The following FSTL5 variants were observed in gnomAD, a reference collection of about 807,000 sequenced individuals.
FSTL5 encodes the protein follistatin-related protein 5.
FSTL5 carries 62 observed loss-of-function variants against 89.1 expected under a neutral mutation model. The observed-to-expected ratio is 0.70, with a 90% CI of 0.57 to 0.86. The LOEUF is 0.86. Ranked by LOEUF, FSTL5 falls within the 40% of genes least tolerant of loss-of-function variation. The pLI is 0.00. For missense variants in FSTL5, 1,057 were observed against 1,001.6 expected (o/e 1.06, Z -0.75); for synonymous variants, 383 against 346.2 (o/e 1.11, Z -1.18).
At position 161,653,294 on chromosome 4, in the gene FSTL5, A is replaced by G. The variant is rs142520051; in HGVS notation, c.894+3034T>C. Among the ~76,000 whole-genome samples, 918 of 152,292 alleles carry G rather than the reference A, an allele frequency of 6.0e-3. 9 individuals are homozygous for G. Among genetic ancestry groups the G allele is most frequent in the South Asian group, 0.046 (220 of 4,830 alleles). On this transcript the variant is annotated intron_variant, in intron 7 of 15. Coordinates refer to ENST00000306100, the MANE Select transcript of FSTL5 (RefSeq NM_020116.5). ...TAGCTAAACACTGAAAAACTCCAGAACTTTTGTCACCGTTGTCTTTGAAAA... is the reference window on the plus strand; with the variant it reads ...TAGCTAAACACTGAAAAACTCCAGAGCTTTTGTCACCGTTGTCTTTGAAAA...
chr4:161,913,023 GA>G (rs1485342910), intron 4 of FSTL5, among the ~76,000 whole-genome samples: 1 of 152,024 alleles, frequency 6.6e-6, no homozygotes, highest in Non-Finnish European at 1.5e-5. Flanking sequence ...GTATCTGGTG[GA>G]AAAAATTTCT....
chr4:161,454,827 A>T (rs1336816877), intron 15 of FSTL5, among the ~76,000 whole-genome samples, 177 bp downstream of exon 15: 2 of 152,242 alleles, frequency 1.3e-5, no homozygotes, highest in African/African-American at 4.8e-5. Context: ...ATTTTATGGG[A>T]AATTCATCAC....
intron 6 of FSTL5, among the ~76,000 whole-genome samples, chr4:161,734,772 C>A (rs1739731042): frequency 6.6e-6 from 1 of 152,122 alleles, no homozygotes; most frequent in Non-Finnish European, 1.5e-5. Flanking sequence ...TATCTAGGGG[C>A]TTTTCCTCAT....
At chr4:162,141,076 T>C (rs1306489789) in intron 1 of FSTL5, among the ~76,000 whole-genome samples, 1 of 150,330 alleles carries the variant, frequency 6.7e-6, no homozygotes, top group Non-Finnish European at 1.5e-5. Context: ...AGTTGGTTGC[T>C]TAAGAGTGTG....
rs533306281 is a variant in FSTL5 at position 161,762,022 on chromosome 4, G to A, written c.607-2491C>T. 2.6e-5 allele frequency among the ~76,000 whole-genome samples: 4 copies of A among 152,020 alleles called. No homozygotes were observed. In the East Asian group the frequency reaches 7.7e-4, roughly 29 times the overall value. On this transcript the variant is annotated intron_variant, in intron 5 of 15. Transcript: ENST00000306100. ...TTTCCTATGACTTTTCTTCTTTTCTGTTTTTTCACATCTTTATTGAGGTAT... is the reference window on the plus strand; with the variant it reads ...TTTCCTATGACTTTTCTTCTTTTCTATTTTTTCACATCTTTATTGAGGTAT...
At chr4:161,388,597 G>T (rs1008255941) in intron 15 of FSTL5, among the ~76,000 whole-genome samples, 1 of 151,960 alleles carries the variant, frequency 6.6e-6, no homozygotes, top group Non-Finnish European at 1.5e-5. Context: ...CAACCATTAA[G>T]GATGTATAGG....
intron 3 of FSTL5, among the ~76,000 whole-genome samples, chr4:161,944,378 T>A (rs531792908): frequency 1.1e-3 from 168 of 152,020 alleles, no homozygotes; most frequent in African/African-American, 4.0e-3. Flanking sequence ...TAGAAAAAAA[T>A]TTAAAAGACT....
Position 161,481,528 on chromosome 4 carries a change from A to C in FSTL5, c.1459-359T>G, listed in dbSNP as rs1453027185. On this transcript the variant is annotated intron_variant, in intron 12 of 15. Coordinates refer to ENST00000306100, the MANE Select transcript of FSTL5 (RefSeq NM_020116.5). ...CTTTAACAGAATAAATGTCACACTA[A>C]AGTATATTCCGAGTTTTACACAACA... 2.0e-5 allele frequency among the ~76,000 whole-genome samples: 3 copies of C among 152,134 alleles called. No homozygotes were observed. The East Asian group carries it at 5.8e-4, about 29-fold the overall frequency.
At chr4:161,532,604 A>T (rs1376957155) in intron 10 of FSTL5, among the ~76,000 whole-genome samples, 4 of 152,130 alleles carry the variant, frequency 2.6e-5, no homozygotes, top group Admixed American at 6.6e-5. Flanking sequence ...TTCTTTTGGC[A>T]TTTTTGAAAA....
chr4:161,977,388 G>A (rs1010159542), intron 3 of FSTL5, among the ~76,000 whole-genome samples: 1 of 151,622 alleles, frequency 6.6e-6, no homozygotes, highest in Non-Finnish European at 1.5e-5. Flanking sequence ...CGAGGCAGGC[G>A]GGTCATGAGG....
intron 3 of FSTL5, among the ~76,000 whole-genome samples, chr4:162,026,325 T>TTTTTTTTTTATTTTTTATAAG: frequency 6.8e-6 from 1 of 147,000 alleles, no homozygotes; most frequent in Non-Finnish European, 1.5e-5. Flanking sequence ...TTTTTCTTTT[T>TTTTTTTTTTATTTTTTATAAG]GAGACGGAGT....
chr4:161,420,867 G>A (rs12648014), intron 15 of FSTL5, among the ~76,000 whole-genome samples: 6,962 of 150,156 alleles, frequency 0.046, 405 homozygotes, highest in East Asian at 0.19. Flanking sequence ...TATATATTAT[G>A]TGTATGGTAT....
intron 15 of FSTL5, among the ~76,000 whole-genome samples, chr4:161,429,160 G>T (rs145337854): frequency 2.6e-4 from 39 of 152,124 alleles, no homozygotes; most frequent in African/African-American, 8.4e-4. Flanking sequence ...GCTTTTTTGT[G>T]TGTGTGTGTG....
At chr4:162,092,061 T>C (rs964812810) in intron 2 of FSTL5, among the ~76,000 whole-genome samples, 7 of 151,934 alleles carry the variant, frequency 4.6e-5, no homozygotes, top group African/African-American at 1.7e-4. Context: ...CAAATCAATA[T>C]TTTCACAACT....
chr4:161,764,220 G>GTTA (rs949850852), intron 5 of FSTL5, among the ~76,000 whole-genome samples: 9 of 152,266 alleles, frequency 5.9e-5, no homozygotes, highest in Non-Finnish European at 8.8e-5. Context: ...TATGTGTTTA[G>GTTA]TTATATATAA....
chr4:161,638,902 T>C (rs1176563514), intron 7 of FSTL5, among the ~76,000 whole-genome samples: 1 of 139,436 alleles, frequency 7.2e-6, no homozygotes, highest in Non-Finnish European at 1.5e-5. Context: ...AAAAACCACA[T>C]GATTATCTCA....
chr4:162,026,076 T>C (rs1267657514), intron 3 of FSTL5, among the ~76,000 whole-genome samples: 4 of 149,948 alleles, frequency 2.7e-5, no homozygotes, highest in Non-Finnish European at 5.9e-5. Flanking sequence ...TGTGATAGAA[T>C]GTATAATTTT....
chr4:161,899,793 A>G (rs1733292465), intron 4 of FSTL5, among the ~76,000 whole-genome samples: 1 of 152,224 alleles, frequency 6.6e-6, no homozygotes. Flanking sequence ...AGAAAACACC[A>G]AAGAAAACTA....
intron 6 of FSTL5, among the ~76,000 whole-genome samples, chr4:161,741,496 T>C (rs896411285): frequency 6.6e-6 from 1 of 152,072 alleles, no homozygotes; most frequent in Non-Finnish European, 1.5e-5. Context: ...TATTCTGACC[T>C]AAAGGCCTCT....
Sources: allele counts gnomAD v4.1 joint callset (sites outside exome capture counted in the v4.1 genomes callset), GRCh38; gene constraint gnomAD v4.1.1; transcripts MANE v1.5; gene names NCBI Gene and HGNC (gene_info 2026-07-23, HGNC 2026-07-21).